GALNTL6: variants seen among roughly 807,000 people sequenced by gnomAD.
The protein encoded by GALNTL6 is polypeptide N-acetylgalactosaminyltransferase like 6.
Under a neutral mutation model 73.7 loss-of-function variants are expected in GALNTL6, and 46 were observed. The ratio of observed to expected loss-of-function variants is 0.62; its 90% CI spans 0.49 to 0.80. The LOEUF is 0.80. Ranked by LOEUF, GALNTL6 falls within the 30% of genes least tolerant of loss-of-function variation. The pLI is 0.00. For synonymous variants in GALNTL6, 259 were observed against 263.7 expected (o/e 0.98, Z 0.17); for missense variants, 604 against 755.0 (o/e 0.80, Z 2.34).
chr4:172,829,312 A>G (rs1034356873), intron 7 of GALNTL6, among the ~76,000 whole-genome samples: 4 of 152,266 alleles, frequency 2.6e-5, no homozygotes, highest in East Asian at 1.9e-4. Context: ...CATGGTACCT[A>G]CTATTTGTTG....
At chr4:172,480,789 T>G (rs1733425197) in intron 5 of GALNTL6, among the ~76,000 whole-genome samples, 1 of 152,174 alleles carries the variant, frequency 6.6e-6, no homozygotes, top group Non-Finnish European at 1.5e-5. Context: ...TATCACATGT[T>G]CTGGGAGACT....
chr4:172,805,796 A>C (rs1490872821), intron 5 of GALNTL6, among the ~76,000 whole-genome samples: 1 of 152,158 alleles, frequency 6.6e-6, no homozygotes, highest in Non-Finnish European at 1.5e-5. Context: ...CCTTGACTAA[A>C]ATATGGTCTT....
chr4:172,549,495 T>C (rs751742976), intron 5 of GALNTL6, among the ~76,000 whole-genome samples: 4 of 152,176 alleles, frequency 2.6e-5, no homozygotes, highest in Non-Finnish European at 5.9e-5. Context: ...CTAAGTGATA[T>C]CTACAATTTA....
chr4:172,565,743 T>A (rs1736530257), intron 5 of GALNTL6, among the ~76,000 whole-genome samples: 1 of 119,132 alleles, frequency 8.4e-6, no homozygotes, highest in South Asian at 2.8e-4. Context: ...TGAGCTTTTC[T>A]TTCTTGGGAG....
At chr4:172,393,640 T>C (rs1743745299) in intron 5 of GALNTL6, among the ~76,000 whole-genome samples, 1 of 152,204 alleles carries the variant, frequency 6.6e-6, no homozygotes, top group South Asian at 2.1e-4. Flanking sequence ...AGAGTACAAA[T>C]GACATATATT....
chr4:172,605,194 A>G (rs1393539202), intron 5 of GALNTL6, among the ~76,000 whole-genome samples: 3 of 152,192 alleles, frequency 2.0e-5, no homozygotes, highest in Non-Finnish European at 4.4e-5. Context: ...TCTTGTTTCT[A>G]TGCCTGGTGA....
At chr4:172,753,478 C>T (rs1011673859) in intron 5 of GALNTL6, among the ~76,000 whole-genome samples, 3 of 152,300 alleles carry the variant, frequency 2.0e-5, no homozygotes, top group Non-Finnish European at 4.4e-5. Context: ...GTTTTTCTCA[C>T]ATAAATCTTG....
rs78890674 is a variant in GALNTL6 at position 172,964,978 on chromosome 4, C to T, written c.1371+12720C>T. On this transcript the variant is annotated intron_variant, in intron 10 of 12. Transcript: ENST00000506823. ...AAAGTGAGATTGTCCTGCTATTTCC[C>T]TGGCAACTACGCGGCAAACTGCCTC... is the stretch of plus-strand genomic sequence containing the variant. 8.9e-3 allele frequency among the ~76,000 whole-genome samples: 1,351 copies of T among 152,352 alleles called. 10 individuals are homozygous for T. Among genetic ancestry groups the T allele is most frequent in the Non-Finnish European group, 0.012 (819 of 68,038 alleles).
chr4:171,981,178 TG>T (rs997682998), intron 2 of GALNTL6, among the ~76,000 whole-genome samples: 24 of 152,270 alleles, frequency 1.6e-4, no homozygotes, highest in African/African-American at 5.5e-4. Flanking sequence ...ATAATAAATA[TG>T]TGTAAGATAT....
At chr4:172,213,445 AT>A (rs1736395873) in intron 2 of GALNTL6, among the ~76,000 whole-genome samples, 1 of 152,168 alleles carries the variant, frequency 6.6e-6, no homozygotes, top group Non-Finnish European at 1.5e-5. Flanking sequence ...AATTTTGGAA[AT>A]TTTAACCATC....
chr4:172,381,786 T>C (rs1287805510), intron 5 of GALNTL6, among the ~76,000 whole-genome samples: 1 of 152,148 alleles, frequency 6.6e-6, no homozygotes, highest in African/African-American at 2.4e-5. Flanking sequence ...TCCACTTGAG[T>C]GTATACTTAG....
At chr4:172,276,580 G>C (rs1037617241) in intron 3 of GALNTL6, among the ~76,000 whole-genome samples, 8 of 152,114 alleles carry the variant, frequency 5.3e-5, no homozygotes, top group African/African-American at 1.9e-4. Flanking sequence ...AATGCCACCA[G>C]CACCACAATT....
intron 2 of GALNTL6, among the ~76,000 whole-genome samples, chr4:171,844,662 G>C (rs1199395283): frequency 6.6e-6 from 1 of 152,130 alleles, no homozygotes; most frequent in African/African-American, 2.4e-5. Context: ...GCTGGATACG[G>C]AGCTGTGACA....
intron 5 of GALNTL6, among the ~76,000 whole-genome samples, chr4:172,552,021 A>G (rs1735974213): frequency 1.3e-5 from 2 of 152,200 alleles, no homozygotes; most frequent in Non-Finnish European, 2.9e-5. Flanking sequence ...CTCACTATGT[A>G]AATACTTTTT....
chr4:172,631,540 T>A (rs1739396903), intron 5 of GALNTL6, among the ~76,000 whole-genome samples: 1 of 152,244 alleles, frequency 6.6e-6, no homozygotes, highest in African/African-American at 2.4e-5. Context: ...ATATCATTAT[T>A]TAACTACTTT....
chr4:172,185,860 G>A (rs902978675), intron 2 of GALNTL6, among the ~76,000 whole-genome samples: 1 of 152,026 alleles, frequency 6.6e-6, no homozygotes, highest in African/African-American at 2.4e-5. Flanking sequence ...TGTAAAAAGC[G>A]GTTAACATGT....
intron 2 of GALNTL6, among the ~76,000 whole-genome samples, chr4:171,978,013 T>C (rs1739773613): frequency 1.3e-5 from 2 of 152,158 alleles, no homozygotes; most frequent in African/African-American, 4.8e-5. Context: ...TTTTCTTGTA[T>C]TCTTTAGAGA....
chr4:172,681,017 C>A (rs1479617146), intron 5 of GALNTL6, among the ~76,000 whole-genome samples: 1 of 152,178 alleles, frequency 6.6e-6, no homozygotes. Context: ...CTGACAGGAA[C>A]TTTAGCCTTG....
intron 2 of GALNTL6, among the ~76,000 whole-genome samples, chr4:172,000,255 G>A (rs968491422): frequency 2.6e-5 from 4 of 152,162 alleles, no homozygotes; most frequent in African/African-American, 9.7e-5. Flanking sequence ...AGGTCCGGCA[G>A]TATGGAAAAT....
Sources: allele counts gnomAD v4.1 joint callset (sites outside exome capture counted in the v4.1 genomes callset), GRCh38; gene constraint gnomAD v4.1.1; transcripts MANE v1.5; gene names NCBI Gene and HGNC (gene_info 2026-07-23, HGNC 2026-07-21).